The following PTPRD variants were observed in gnomAD, a reference collection of about 807,000 sequenced individuals.
The protein encoded by PTPRD is receptor-type tyrosine-protein phosphatase delta.
Under a neutral mutation model 214.5 loss-of-function variants are expected in PTPRD, and 34 were observed. That is an observed-to-expected ratio of 0.16 (90% CI 0.12 to 0.21). The LOEUF (loss-of-function observed/expected upper bound fraction) is 0.21, where lower values mean the gene tolerates loss of function less well. Among genes scored for constraint, PTPRD ranks in the 10% least tolerant of loss-of-function variants. PTPRD has a pLI of 1.00. For synonymous variants in PTPRD, 1,128 were observed against 845.7 expected, an observed-to-expected ratio of 1.33 and a Z score of -5.79; for missense variants, 2,545 against 2,398.7, an observed-to-expected ratio of 1.06 and a Z score of -1.27.
At chr9:8,922,813 A>T (rs578097608) in intron 11 of PTPRD, among the ~76,000 whole-genome samples, 2 of 139,720 alleles carry the variant, frequency 1.4e-5, no homozygotes, top group African/African-American at 2.6e-5. Flanking sequence ...CGCCCGGCTA[A>T]TTTTTTTTTT....
chr9:10,209,065 T>A (rs2099501202), intron 3 of PTPRD, among the ~76,000 whole-genome samples: 2 of 152,228 alleles, frequency 1.3e-5, no homozygotes, highest in South Asian at 4.1e-4. Flanking sequence ...GTTTAAGTTT[T>A]ATGAATGCTG....
At chr9:8,732,668 A>G (rs2098672972) in intron 12 of PTPRD, among the ~76,000 whole-genome samples, 1 of 152,204 alleles carries the variant, frequency 6.6e-6, no homozygotes, top group African/African-American at 2.4e-5. Context: ...TAAAACATGC[A>G]TATTACATAT....
At chr9:8,683,494 G>A (rs949067551) in intron 12 of PTPRD, among the ~76,000 whole-genome samples, 1 of 151,884 alleles carries the variant, frequency 6.6e-6, no homozygotes, top group Non-Finnish European at 1.5e-5. Flanking sequence ...GTTTTAATAA[G>A]CCTCCAATTC....
chr9:9,373,193 G>A (rs1305991175), intron 9 of PTPRD, among the ~76,000 whole-genome samples: 1 of 152,018 alleles, frequency 6.6e-6, no homozygotes, highest in African/African-American at 2.4e-5. Flanking sequence ...GACTTTCTCA[G>A]TTCAAATACC....
chr9:8,347,707 T>A (rs1184848561), intron 39 of PTPRD, among the ~76,000 whole-genome samples: 2 of 152,076 alleles, frequency 1.3e-5, no homozygotes, highest in Admixed American at 1.3e-4. Flanking sequence ...AGTCACAAGG[T>A]GGGAGCTTTA....
chr9:8,866,259 T>C (rs1197201803), intron 11 of PTPRD, among the ~76,000 whole-genome samples: 1 of 152,210 alleles, frequency 6.6e-6, no homozygotes, highest in African/African-American at 2.4e-5. Context: ...GTGCTTGTTT[T>C]ATAAATGTAG....
chr9:10,057,432 G>A (rs772353654), intron 3 of PTPRD, among the ~76,000 whole-genome samples: 3 of 152,116 alleles, frequency 2.0e-5, no homozygotes, highest in Non-Finnish European at 4.4e-5. Context: ...TTTTGTACCA[G>A]CATCAGTTGA....
At chr9:8,999,997 G>T (rs140913682) in intron 11 of PTPRD, among the ~76,000 whole-genome samples, 1 of 151,998 alleles carries the variant, frequency 6.6e-6, no homozygotes, top group Non-Finnish European at 1.5e-5. Flanking sequence ...AGACATATTA[G>T]TTTCCATATG....
At chr9:10,033,055 T>C (rs1015550422) in intron 4 of PTPRD, among the ~76,000 whole-genome samples, 17 of 151,410 alleles carry the variant, frequency 1.1e-4, no homozygotes, top group African/African-American at 4.1e-4. Context: ...GCAACCTGGA[T>C]GCGATAAATA....
At chr9:9,740,588 C>T (rs1056108520) in intron 6 of PTPRD, among the ~76,000 whole-genome samples, 1 of 152,092 alleles carries the variant, frequency 6.6e-6, no homozygotes, top group East Asian at 1.9e-4. Flanking sequence ...GTCTGGATCT[C>T]CTGCCCTCGT....
chr9:10,410,866 A>G (rs1387230383), intron 2 of PTPRD, among the ~76,000 whole-genome samples: 1 of 151,762 alleles, frequency 6.6e-6, no homozygotes, highest in African/African-American at 2.4e-5. Context: ...GTGTGTTTGG[A>G]ATCAGTCTGC....
chr9:9,333,604 T>C (rs1293599520), intron 9 of PTPRD, among the ~76,000 whole-genome samples: 3 of 150,200 alleles, frequency 2.0e-5, no homozygotes, highest in African/African-American at 7.3e-5. Flanking sequence ...AGAAAAGCAC[T>C]GGTCTGGAAA....
chr9:8,999,948 A>T (rs2099411376), intron 11 of PTPRD, among the ~76,000 whole-genome samples: 1 of 151,994 alleles, frequency 6.6e-6, no homozygotes, highest in African/African-American at 2.4e-5. Flanking sequence ...AGTATCTGAG[A>T]AGCAGTGTAA....
chr9:10,048,910 G>A (rs1178307872), intron 3 of PTPRD, among the ~76,000 whole-genome samples: 3 of 152,020 alleles, frequency 2.0e-5, no homozygotes, highest in Non-Finnish European at 4.4e-5. Context: ...GAAAGGTGGT[G>A]GTAGGATGAT....
chr9:8,453,850 G>A (rs890894833), intron 33 of PTPRD, among the ~76,000 whole-genome samples: 1 of 152,154 alleles, frequency 6.6e-6, no homozygotes, highest in Non-Finnish European at 1.5e-5. Flanking sequence ...TGGTCCAGAG[G>A]CCACTCAATG....
chr9:9,726,022 T>G (rs753537508), intron 7 of PTPRD, among the ~76,000 whole-genome samples: 1 of 152,180 alleles, frequency 6.6e-6, no homozygotes, highest in Non-Finnish European at 1.5e-5. Flanking sequence ...CTATGAATGT[T>G]TGAAACAGTA....
Position 8,319,949 on chromosome 9 carries a change from G to C in PTPRD, c.5552C>G (p.Thr1851Ser), listed in dbSNP as rs1825683948. ...AATGCTTAGCGTTATGAAGACTCCA[G>C]TTCTTCCAACGCCCGCGCTGCCACA... is the stretch of plus-strand genomic sequence containing the variant. ...SVHCSAGVGRTGVFITLSIVL... is the reference protein window; with the variant it reads ...SVHCSAGVGRSGVFITLSIVL... Residue 1851 changes from threonine to serine, a missense_variant, in exon 45 of 46, where the codon ACT (threonine) becomes AGT (serine). Coordinates refer to ENST00000381196, the MANE Select transcript of PTPRD (RefSeq NM_002839.4). 1 of 1,612,274 alleles carries C rather than the reference G, an allele frequency of 6.2e-7. No homozygotes were observed. The highest frequency in any genetic ancestry group is 8.5e-7 in the Non-Finnish European group (1 of 1,179,190).
chr9:9,102,553 G>A (rs2099792821), intron 10 of PTPRD, among the ~76,000 whole-genome samples: 1 of 152,204 alleles, frequency 6.6e-6, no homozygotes, highest in Admixed American at 6.5e-5. Flanking sequence ...CAATCAGAAA[G>A]ATAACAACTC....
chr9:8,327,761 T>A (rs1226351021), intron 44 of PTPRD, among the ~76,000 whole-genome samples: 1 of 152,230 alleles, frequency 6.6e-6, no homozygotes, highest in Admixed American at 6.5e-5. Context: ...TAGCTCTTCT[T>A]ATTGCATTGA....
Sources: gnomAD v4.1 joint callset for allele counts (sites outside exome capture counted in the v4.1 genomes callset) on GRCh38, gnomAD v4.1.1 for gene constraint, MANE v1.5 for transcripts, NCBI Gene and HGNC (gene_info 2026-07-23, HGNC 2026-07-21) for gene names.